ST8SIA1: variants seen among roughly 807,000 people sequenced by gnomAD.
The protein encoded by ST8SIA1 is alpha-N-acetylneuraminide alpha-2,8-sialyltransferase.
Under a neutral mutation model 35.9 loss-of-function variants are expected in ST8SIA1, and 16 were observed. That is an observed-to-expected ratio of 0.45 (90% CI 0.30 to 0.68). The LOEUF (loss-of-function observed/expected upper bound fraction) is 0.68. ST8SIA1 is among the 30% of genes least tolerant of loss of function. The pLI, the probability that ST8SIA1 is intolerant of heterozygous loss-of-function variation, is 0.09. For synonymous variants in ST8SIA1, 170 were observed against 169.6 expected (o/e 1.00, Z -0.02); for missense variants, 383 against 453.6 (o/e 0.84, Z 1.41).
Position 22,264,047 on chromosome 12 carries a change from C to T in ST8SIA1, c.382-8658G>A, listed in dbSNP as rs73270051. 4.1e-4 allele frequency among the ~76,000 whole-genome samples: 63 copies of T among 152,224 alleles called. 1 individual carries two copies. Among genetic ancestry groups the T allele is most frequent in the African/African-American group, 1.5e-3 (63 of 41,534 alleles). On this transcript the variant is annotated intron_variant, in intron 2 of 4. Coordinates refer to ENST00000396037, the MANE Select transcript of ST8SIA1 (RefSeq NM_003034.4). The stretch of plus-strand genomic sequence containing the variant: ...CCTTTTCTTTCTATATACCCTCACC[C>T]ACGTATCCTCCTGGACTCCCACACA...
At chr12:22,211,323 G>T (rs1865173374) in intron 4 of ST8SIA1, among the ~76,000 whole-genome samples, 1 of 152,148 alleles carries the variant, frequency 6.6e-6, no homozygotes, top group South Asian at 2.1e-4. Flanking sequence ...TCAACCTTCA[G>T]CCCCTCTCTC....
At chr12:22,260,256 G>A (rs547560439) in intron 2 of ST8SIA1, among the ~76,000 whole-genome samples, 2 of 151,620 alleles carry the variant, frequency 1.3e-5, no homozygotes, top group African/African-American at 4.8e-5. Context: ...TGATCTCCCA[G>A]GCCCAAGCAA....
At position 22,255,268 on chromosome 12, in the gene ST8SIA1, GCT is replaced by G; in HGVS notation, c.491+10_491+11del. On this transcript the variant is annotated intron_variant, in intron 3 of 4. Transcript: ENST00000396037. ...AGAAGGCAGAGGCCGCGCTGTGGGTGCTCTCTCTTACCGCATGACAAAATTTG... is the reference window on the plus strand; with the variant it reads ...AGAAGGCAGAGGCCGCGCTGTGGGTGCTCTCTTACCGCATGACAAAATTTG... The G allele has an allele frequency of 1.2e-6, 2 of 1,608,158 alleles. No individual in the cohort carries two copies. The highest frequency in any genetic ancestry group is 8.5e-7 in the Non-Finnish European group (1 of 1,174,588).
chr12:22,263,402 T>A (rs1311222469), intron 2 of ST8SIA1, among the ~76,000 whole-genome samples: 1 of 152,202 alleles, frequency 6.6e-6, no homozygotes, highest in Non-Finnish European at 1.5e-5. Context: ...GTTCCTCTTT[T>A]ATCTGCAGCC....
At chr12:22,244,640 T>C (rs924804546) in intron 4 of ST8SIA1, among the ~76,000 whole-genome samples, 2 of 152,006 alleles carry the variant, frequency 1.3e-5, no homozygotes, top group African/African-American at 2.4e-5. Flanking sequence ...TATTTTTTGG[T>C]AGAGACGAGG....
At chr12:22,332,124 A>G (rs751494446) in intron 1 of ST8SIA1, among the ~76,000 whole-genome samples, 3 of 152,190 alleles carry the variant, frequency 2.0e-5, no homozygotes, top group Non-Finnish European at 2.9e-5. Context: ...TTATTTCAAT[A>G]AGCAATGGTG....
intron 2 of ST8SIA1, among the ~76,000 whole-genome samples, chr12:22,263,594 G>A (rs530244237): frequency 2.6e-5 from 4 of 152,206 alleles, no homozygotes; most frequent in African/African-American, 9.6e-5. Flanking sequence ...TTCACACTTG[G>A]CAATATAAAG....
rs915365104 is a variant in ST8SIA1, at chr12:22,198,066, A to G, written c.*3486T>C. The G allele has an allele frequency of 1.3e-5, 2 of 152,142 alleles. No homozygotes were observed. Among genetic ancestry groups the G allele is most frequent in the African/African-American group, 2.4e-5 (1 of 41,436 alleles). The allele number at this position is 152,142 out of a possible 1,614,324, so 9.4% of individuals were successfully genotyped here. On this transcript the variant is annotated 3_prime_UTR_variant, in exon 5 of 5. Coordinates refer to ENST00000396037, the MANE Select transcript of ST8SIA1 (RefSeq NM_003034.4). Reference sequence around the variant, plus strand: ...ACTTAATCCTTCACCTACCTTCATGATCTTTGGAATCAATGCAGTTCTCAA... The same window carrying G: ...ACTTAATCCTTCACCTACCTTCATGGTCTTTGGAATCAATGCAGTTCTCAA...
At chr12:22,255,470 T>C (rs1424266230) in intron 2 of ST8SIA1, 81 bp from the exon 3 acceptor site, 9 of 1,215,772 alleles carry the variant, frequency 7.4e-6, no homozygotes, top group African/African-American at 3.0e-5. Flanking sequence ...GCAGACCCTT[T>C]GGAGGAATTT....
intron 1 of ST8SIA1, among the ~76,000 whole-genome samples, chr12:22,306,075 T>C (rs189039860): frequency 1.4e-4 from 21 of 152,294 alleles, no homozygotes; most frequent in African/African-American, 4.3e-4. Context: ...TTAGGTCATA[T>C]CTTTTTCACT....
chr12:22,278,950 T>C (rs538498197), intron 2 of ST8SIA1, among the ~76,000 whole-genome samples: 9 of 152,352 alleles, frequency 5.9e-5, no homozygotes, highest in African/African-American at 2.2e-4. Context: ...TCTGACAAAC[T>C]GCTAATATAA....
intron 2 of ST8SIA1, among the ~76,000 whole-genome samples, chr12:22,270,302 C>T (rs1865897486): frequency 6.6e-6 from 1 of 152,094 alleles, no homozygotes; most frequent in Non-Finnish European, 1.5e-5. Flanking sequence ...ATAATGCATG[C>T]AAAACATTTA....
At chr12:22,222,644 A>G (rs1865312579) in intron 4 of ST8SIA1, among the ~76,000 whole-genome samples, 1 of 151,998 alleles carries the variant, frequency 6.6e-6, no homozygotes, top group South Asian at 2.1e-4. Flanking sequence ...ATACATATAT[A>G]CATATACTTA....
intron 1 of ST8SIA1, among the ~76,000 whole-genome samples, chr12:22,314,301 G>C (rs1866488532): frequency 1.3e-5 from 2 of 152,102 alleles, no homozygotes; most frequent in Admixed American, 6.6e-5. Flanking sequence ...GCCAAAATAT[G>C]TTAACCCAGA....
chr12:22,241,550 C>A (rs1174300778), intron 4 of ST8SIA1, among the ~76,000 whole-genome samples: 1 of 151,684 alleles, frequency 6.6e-6, no homozygotes, highest in Non-Finnish European at 1.5e-5. Context: ...TCTGCGGAAC[C>A]AGGAGCCAAT....
chr12:22,287,898 C>G (rs1450467701), intron 1 of ST8SIA1, among the ~76,000 whole-genome samples: 2 of 152,208 alleles, frequency 1.3e-5, no homozygotes, highest in African/African-American at 2.4e-5. Context: ...CCTACCTTCT[C>G]ACTGCTAAAC....
Position 22,199,677 on chromosome 12 carries a change from A to G in ST8SIA1, c.*1875T>C, listed in dbSNP as rs913688785. 3 of 152,164 alleles carry G rather than the reference A, an allele frequency of 2.0e-5. No homozygotes were observed. The highest frequency in any genetic ancestry group is 7.2e-5 in the African/African-American group (3 of 41,434). The allele number at this position is 152,164 out of a possible 1,614,324, so 9.4% of individuals were successfully genotyped here. A position where few individuals can be genotyped will look rare whatever the true frequency, so the allele number is the denominator to read the frequency against. On this transcript the variant is annotated 3_prime_UTR_variant, in exon 5 of 5. Transcript: ENST00000396037. ...ATTTTTATAATAACCTCACTATTTA[A>G]TTGCATTTAGAAATGGTCTACTTCA...
intron 4 of ST8SIA1, among the ~76,000 whole-genome samples, chr12:22,242,586 G>GATATTT (rs1402591719): frequency 6.6e-6 from 1 of 152,124 alleles, no homozygotes; most frequent in Non-Finnish European, 1.5e-5. Context: ...TCTTTTAAAG[G>GATATTT]ATATTTGAAC....
At chr12:22,222,030 T>C (rs920665181) in intron 4 of ST8SIA1, among the ~76,000 whole-genome samples, 1 of 152,182 alleles carries the variant, frequency 6.6e-6, no homozygotes, top group African/African-American at 2.4e-5. Flanking sequence ...TTCTTAATAG[T>C]ACATCTTATA....
Sources: gnomAD v4.1 joint callset for allele counts (sites outside exome capture counted in the v4.1 genomes callset) on GRCh38, gnomAD v4.1.1 for gene constraint, MANE v1.5 for transcripts, NCBI Gene and HGNC (gene_info 2026-07-23, HGNC 2026-07-21) for gene names.